Variants in LRP2 observed in about 807,000 individuals in gnomAD.
LRP2 encodes low-density lipoprotein receptor-related protein 2.
LRP2 carries 172 observed loss-of-function variants against 531.0 expected under a neutral mutation model. The ratio of observed to expected loss-of-function variants is 0.32; its 90% CI spans 0.29 to 0.37. The LOEUF is 0.37. Among genes scored for constraint, LRP2 ranks in the 10% least tolerant of loss-of-function variants. LRP2 has a pLI of 1.00. For missense variants in LRP2, 5,167 were observed against 5,868.3 expected (o/e 0.88, Z 3.90); for synonymous variants, 1,992 against 2,027.6 (o/e 0.98, Z 0.47).
intron 16 of LRP2, among the ~76,000 whole-genome samples, chr2:169,268,766 G>T (rs996586362): frequency 1.3e-5 from 2 of 152,182 alleles, no homozygotes; most frequent in African/African-American, 4.8e-5. Flanking sequence ...AATTAGTCAG[G>T]AGAAGGAAAT....
intron 34 of LRP2, among the ~76,000 whole-genome samples, chr2:169,220,233 G>T (rs772856080): frequency 1.3e-5 from 2 of 152,180 alleles, no homozygotes; most frequent in Non-Finnish European, 1.5e-5. Flanking sequence ...TTTAAATCCA[G>T]TGTTGTTCAT....
At chr2:169,187,536 CTTGTGGTGG>C (rs953389757) in intron 49 of LRP2, among the ~76,000 whole-genome samples, 10 of 152,182 alleles carry the variant, frequency 6.6e-5, no homozygotes, top group Non-Finnish European at 1.0e-4. Flanking sequence ...AACTGCTTTA[CTTGTGGTGG>C]TTGGGGTGAG....
At chr2:169,157,263 T>C in intron 64 of LRP2, 108 bp downstream of exon 64, 2 of 1,178,358 alleles carry the variant, frequency 1.7e-6, no homozygotes, top group Non-Finnish European at 2.4e-6. Flanking sequence ...ACCATGAGTA[T>C]GGTACCATTA....
rs58193729 is a variant in LRP2 at position 169,259,345 on chromosome 2, TAAAA to T, written c.2321-132_2321-129del. ...TTTCAGGAACACATGTGGAATTCTT[TAAAA>T]AAAAAAAAAAAAAAAAACTCTGTAA... On this transcript the variant is annotated intron_variant, in intron 16 of 78. Coordinates refer to ENST00000649046, the MANE Select transcript of LRP2 (RefSeq NM_004525.3). 0.1 allele frequency: 42,940 copies of T among 419,208 alleles called. 481 individuals carry two copies. Among genetic ancestry groups the T allele is most frequent in the Middle Eastern group, 0.15 (198 of 1,338 alleles). 26.0% of individuals were successfully genotyped at this position (419,208 alleles called of 1,614,324 possible). A position where few individuals can be genotyped will look rare whatever the true frequency, so the allele number is the denominator to read the frequency against.
chr2:169,348,446 C>T (rs1236702050), intron 1 of LRP2, among the ~76,000 whole-genome samples: 1 of 152,122 alleles, frequency 6.6e-6, no homozygotes, highest in African/African-American at 2.4e-5. Context: ...CCTGACTTGA[C>T]ATGTGATGTT....
chr2:169,171,188 C>A (rs1050777163), intron 58 of LRP2, among the ~76,000 whole-genome samples: 2 of 152,140 alleles, frequency 1.3e-5, no homozygotes, highest in Non-Finnish European at 2.9e-5. Flanking sequence ...TTTTAGCTAA[C>A]TGATATTTGC....
chr2:169,225,963 C>A (rs1689186785), intron 32 of LRP2, among the ~76,000 whole-genome samples: 1 of 152,230 alleles, frequency 6.6e-6, no homozygotes, highest in African/African-American at 2.4e-5. Flanking sequence ...AAGGCCCCAG[C>A]ACCACATCAA....
intron 63 of LRP2, 126 bp from the exon 64 acceptor site, chr2:169,157,628 C>T (rs900158980): frequency 6.7e-6 from 7 of 1,051,408 alleles, no homozygotes; most frequent in Non-Finnish European, 1.0e-5. Flanking sequence ...TTCCATAAGC[C>T]TTGGAGAGGA....
intron 50 of LRP2, 134 bp from the exon 51 acceptor site, chr2:169,182,453 A>G: frequency 6.4e-7 from 1 of 1,560,792 alleles, no homozygotes; most frequent in Non-Finnish European, 8.6e-7. Flanking sequence ...CAGGCAAATG[A>G]GGGCAGGGGA....
intron 33 of LRP2, among the ~76,000 whole-genome samples, chr2:169,222,834 C>T (rs956654999): frequency 6.6e-6 from 1 of 152,124 alleles, no homozygotes; most frequent in Non-Finnish European, 1.5e-5. Context: ...GAAAGTGAAA[C>T]CCTCCGATAA....
At chr2:169,356,648 C>T (rs1217260019) in intron 1 of LRP2, among the ~76,000 whole-genome samples, 1 of 152,218 alleles carries the variant, frequency 6.6e-6, no homozygotes, top group Non-Finnish European at 1.5e-5. Flanking sequence ...AAGCCCTTCC[C>T]ACTTCATCTC....
intron 3 of LRP2, among the ~76,000 whole-genome samples, chr2:169,312,589 C>A: frequency 6.6e-6 from 1 of 152,216 alleles, no homozygotes; most frequent in Non-Finnish European, 1.5e-5. Context: ...GTCTGATGGG[C>A]TTCCCTTTGT....
intron 1 of LRP2, among the ~76,000 whole-genome samples, chr2:169,327,883 T>G (rs1574262104): frequency 4.4e-5 from 2 of 45,476 alleles, no homozygotes; most frequent in Admixed American, 1.9e-4. Flanking sequence ...GGAAGGGAGG[T>G]GGGGGGGTCA....
chr2:169,211,179 C>T (rs754639671), intron 37 of LRP2, among the ~76,000 whole-genome samples: 116 of 152,280 alleles, frequency 7.6e-4, no homozygotes, highest in Non-Finnish European at 1.4e-3. Context: ...TCTCTGATTC[C>T]CTTCTCCAGG....
intron 1 of LRP2, among the ~76,000 whole-genome samples, chr2:169,350,280 G>C (rs1229017562): frequency 6.6e-6 from 1 of 152,190 alleles, no homozygotes; most frequent in African/African-American, 2.4e-5. Context: ...TTTCAGACAT[G>C]TGAAGTCTGA....
rs755362030 is a variant in LRP2, at chr2:169,174,125, T to C, written c.10808A>G (p.Asn3603Ser). The C allele has an allele frequency of 1.9e-6, 3 of 1,614,118 alleles. No homozygotes were observed. Among genetic ancestry groups the C allele is most frequent in the South Asian group, 1.1e-5 (1 of 91,088 alleles). ...CCAGGATTCTGGGATGCAACGTTTG[T>C]TGGCGCACTGCCATTCATTGGAGTC... ...HCDSNEWQCA[N>S]KRCIPESWQC... is the part of the protein sequence containing the mutation. Residue 3603 changes from asparagine (N) to serine (S), a missense_variant, in exon 56 of 79, where the codon AAC (asparagine) becomes AGC (serine). Around this residue, in one of 6 missense-constraint regions of LRP2, gnomAD observed 311 missense variants for 309.4 expected, o/e 1.01. Coordinates refer to ENST00000649046, the MANE Select transcript of LRP2 (RefSeq NM_004525.3).
At chr2:169,271,844 G>C (rs1250134355) in intron 15 of LRP2, 1 of 188,368 alleles carries the variant, frequency 5.3e-6, no homozygotes, top group Non-Finnish European at 9.9e-6. Context: ...AGTGAAAGCA[G>C]GGAAGGAAGG....
At chr2:169,284,576 C>A (rs72878458) in intron 9 of LRP2, among the ~76,000 whole-genome samples, 4 of 151,928 alleles carry the variant, frequency 2.6e-5, no homozygotes, top group Admixed American at 2.6e-4. Flanking sequence ...CCCAAGAAGG[C>A]TCTTCTAATG....
chr2:169,269,260 G>T (rs1683329902), intron 16 of LRP2, among the ~76,000 whole-genome samples: 1 of 152,024 alleles, frequency 6.6e-6, no homozygotes, highest in Non-Finnish European at 1.5e-5. Flanking sequence ...CTACTTTAAA[G>T]TTCATATGGA....
Sources: gnomAD v4.1 joint callset for allele counts (sites outside exome capture counted in the v4.1 genomes callset) on GRCh38, gnomAD v4.1.1 for gene constraint, gnomAD v4.1.1 regional missense constraint, MANE v1.5 for transcripts, NCBI Gene and HGNC (gene_info 2026-07-23, HGNC 2026-07-21) for gene names.